ATG7: variants seen among roughly 807,000 people sequenced by gnomAD.
The protein encoded by ATG7 is ubiquitin-like modifier-activating enzyme ATG7.
Under a neutral mutation model 82.4 loss-of-function variants are expected in ATG7, and 70 were observed. The observed-to-expected ratio is 0.85, with a 90% CI of 0.70 to 1.04. The LOEUF is 1.04. ATG7 is among the 50% of genes least tolerant of loss of function. ATG7 has a pLI of 0.00. For missense variants in ATG7, 792 were observed against 864.3 expected (o/e 0.92, Z 1.05); for synonymous variants, 287 against 313.0 (o/e 0.92, Z 0.88).
At chr3:11,397,463 A>T (rs2079406552) in intron 19 of ATG7, among the ~76,000 whole-genome samples, 1 of 151,870 alleles carries the variant, frequency 6.6e-6, no homozygotes, top group Admixed American at 6.6e-5. Context: ...GAAATAAATG[A>T]TTTTTCCCCC....
intron 9 of ATG7, among the ~76,000 whole-genome samples, chr3:11,320,137 C>G (rs879874125): frequency 7.9e-5 from 12 of 152,108 alleles, no homozygotes; most frequent in Admixed American, 5.2e-4. Context: ...CTGGAACTCT[C>G]TTCTCTCTCT....
At chr3:11,305,054 T>C (rs1947498589) in intron 5 of ATG7, among the ~76,000 whole-genome samples, 1 of 152,156 alleles carries the variant, frequency 6.6e-6, no homozygotes, top group Admixed American at 6.5e-5. Context: ...CTACTTTCTG[T>C]CTCTGAGGAT....
rs545408850 is a variant in ATG7, at chr3:11,546,821, C to T, written c.2080-7990C>T. ...CCTGCCCTCTTCCATTGCAGGGCAG[C>T]GGCCAGTGGGGAGCGCTGAGGTGCT... On this transcript the variant is annotated intron_variant, in intron 20 of 20. Transcript: ENST00000693202. Among the ~76,000 whole-genome samples, 57 of 152,324 alleles carry T rather than the reference C, an allele frequency of 3.7e-4. 2 individuals are homozygous for T. The Middle Eastern group carries it at 0.02, about 55-fold the overall frequency.
intron 19 of ATG7, among the ~76,000 whole-genome samples, chr3:11,415,799 G>A (rs1178019343): frequency 1.3e-5 from 2 of 150,388 alleles, no homozygotes; most frequent in East Asian, 3.9e-4. Flanking sequence ...ATTACACTTT[G>A]CTAAAATAAT....
chr3:11,555,660 G>A lies in ATG7; in HGVS notation c.*817G>A, dbSNP rs774188512. ...CCTGGGCTGCCTTCCTGCCCCAGCCGAGGGAGGGGTCAGACGGCTCTACCA... is the reference window on the plus strand; with the variant it reads ...CCTGGGCTGCCTTCCTGCCCCAGCCAAGGGAGGGGTCAGACGGCTCTACCA... On this transcript the variant is annotated 3_prime_UTR_variant, in exon 21 of 21. Coordinates refer to ENST00000693202, the MANE Select transcript of ATG7 (RefSeq NM_001349232.2). The A allele has an allele frequency of 6.6e-6, 1 of 152,282 alleles. No individual in the cohort carries two copies. The highest frequency in any genetic ancestry group is 2.4e-5 in the African/African-American group (1 of 41,412). The allele number at this position is 152,282 out of a possible 1,614,324, so 9.4% of individuals were successfully genotyped here.
At chr3:11,513,745 G>A (rs546170817) in intron 20 of ATG7, among the ~76,000 whole-genome samples, 2 of 152,270 alleles carry the variant, frequency 1.3e-5, no homozygotes, top group Non-Finnish European at 2.9e-5. Flanking sequence ...TGGGAGCCCA[G>A]GCAGAGGAGG....
chr3:11,276,338 G>A (rs563411818), intron 1 of ATG7, among the ~76,000 whole-genome samples: 2 of 152,154 alleles, frequency 1.3e-5, no homozygotes, highest in South Asian at 2.1e-4. Context: ...AGATCCCATC[G>A]CCTCCTTTGC....
chr3:11,440,131 A>C (rs978600032), intron 20 of ATG7, among the ~76,000 whole-genome samples: 2 of 152,064 alleles, frequency 1.3e-5, no homozygotes, highest in African/African-American at 4.8e-5. Context: ...CCTTACAACT[A>C]CTTCTCAGAT....
intron 19 of ATG7, among the ~76,000 whole-genome samples, chr3:11,382,311 G>A (rs114213497): frequency 9.2e-5 from 14 of 152,360 alleles, no homozygotes; most frequent in South Asian, 2.1e-4. Context: ...GAGCACGCAC[G>A]CACGCGAGCG....
intron 1 of ATG7, among the ~76,000 whole-genome samples, chr3:11,276,899 C>CA (rs1394247446): frequency 2.0e-5 from 3 of 152,200 alleles, no homozygotes; most frequent in Non-Finnish European, 4.4e-5. Context: ...CCCTCAAACT[C>CA]AAACAAGTCT....
chr3:11,431,690 C>A (rs1042316627), intron 20 of ATG7, among the ~76,000 whole-genome samples: 1 of 152,140 alleles, frequency 6.6e-6, no homozygotes, highest in African/African-American at 2.4e-5. Context: ...AAGGTTTATT[C>A]ATGTTGTAGC....
chr3:11,541,949 G>A (rs2070867154), intron 20 of ATG7, among the ~76,000 whole-genome samples: 1 of 152,196 alleles, frequency 6.6e-6, no homozygotes, highest in South Asian at 2.1e-4. Context: ...AAGCATGTGG[G>A]TGCCACAAAA....
intron 3 of ATG7, chr3:11,290,289 A>C (rs1944754886): frequency 6.5e-6 from 1 of 154,858 alleles, no homozygotes; most frequent in Non-Finnish European, 1.4e-5. Flanking sequence ...TCTAAGTCCT[A>C]GGCTGCCTTC....
intron 20 of ATG7, among the ~76,000 whole-genome samples, chr3:11,544,556 T>G (rs1048399267): frequency 4.7e-4 from 71 of 152,304 alleles, no homozygotes; most frequent in African/African-American, 1.7e-3. Context: ...GGACCCAGAC[T>G]TCCCTCAGAA....
At chr3:11,366,913 A>G (rs1262482328) in intron 18 of ATG7, among the ~76,000 whole-genome samples, 1 of 150,862 alleles carries the variant, frequency 6.6e-6, no homozygotes, top group South Asian at 2.1e-4. Context: ...GTTGTTGGCC[A>G]TCTCTTCATT....
chr3:11,377,402 G>A (rs541341153), intron 18 of ATG7, among the ~76,000 whole-genome samples: 3 of 152,092 alleles, frequency 2.0e-5, no homozygotes, highest in Non-Finnish European at 4.4e-5. Flanking sequence ...AACCAATACC[G>A]TGCACGGCAT....
rs143463031 is a variant in ATG7, at chr3:11,330,826, C to T, written c.679-514C>T. Among the ~76,000 whole-genome samples the T allele has an allele frequency of 4.8e-3, 728 of 152,136 alleles. 6 individuals carry two copies. Among genetic ancestry groups the T allele is most frequent in the African/African-American group, 0.017 (693 of 41,474 alleles). On this transcript the variant is annotated intron_variant, in intron 9 of 20. Transcript: ENST00000693202. ...TGAGTAGAGTTTTCCAGATGAAGAT[C>T]GGGATTGGAGTGGGATGGGAAAGGG...
rs1559709230 is a variant in ATG7 at position 11,479,000 on chromosome 3, ACACACACACAC to A, written c.2079+52075_2079+52085del. The stretch of plus-strand genomic sequence containing the variant: ...GCCTGTATATTTACAACACACACAC[ACACACACACAC>A]ACACACACACACACACACACACACA... On this transcript the variant is annotated intron_variant, in intron 20 of 20. Transcript: ENST00000693202. 5.6e-3 allele frequency among the ~76,000 whole-genome samples: 847 copies of A among 150,458 alleles called. 8 individuals are homozygous for A. The highest frequency in any genetic ancestry group is 0.019 in the African/African-American group (771 of 40,868).
At chr3:11,483,365 T>A (rs1364299222) in intron 20 of ATG7, among the ~76,000 whole-genome samples, 1 of 152,160 alleles carries the variant, frequency 6.6e-6, no homozygotes, top group African/African-American at 2.4e-5. Flanking sequence ...CTGTGGTTCT[T>A]AGAATTGTCA....
Sources: gnomAD v4.1 joint callset for allele counts (sites outside exome capture counted in the v4.1 genomes callset) on GRCh38, gnomAD v4.1.1 for gene constraint, MANE v1.5 for transcripts, NCBI Gene and HGNC (gene_info 2026-07-23, HGNC 2026-07-21) for gene names.